The following ARHGAP26 variants were observed in gnomAD, a reference collection of about 807,000 sequenced individuals.
ARHGAP26 encodes the protein rho GTPase-activating protein 26.
A neutral mutation model predicts 104.8 loss-of-function variants in ARHGAP26; 38 were observed. The observed-to-expected ratio is 0.36, with a 90% CI of 0.28 to 0.48. The LOEUF (loss-of-function observed/expected upper bound fraction) is 0.48, where lower values mean the gene tolerates loss of function less well. Ranked by LOEUF, ARHGAP26 falls within the 20% of genes least tolerant of loss-of-function variation. ARHGAP26 has a pLI of 0.99. For synonymous variants in ARHGAP26, 341 were observed against 340.0 expected (o/e 1.00, Z -0.03); for missense variants, 704 against 947.9 (o/e 0.74, Z 3.38).
chr5:142,843,321 C>T (rs1356636719), intron 1 of ARHGAP26, among the ~76,000 whole-genome samples: 1 of 152,190 alleles, frequency 6.6e-6, no homozygotes, highest in Non-Finnish European at 1.5e-5. Flanking sequence ...AGGCCTGTGT[C>T]TTTCTGACAC....
intron 11 of ARHGAP26, among the ~76,000 whole-genome samples, chr5:142,949,914 TA>T (rs1175399275): frequency 6.6e-6 from 1 of 152,222 alleles, no homozygotes; most frequent in East Asian, 1.9e-4. Context: ...CTACTGCCAA[TA>T]AATGAAAACT....
chr5:142,996,071 TAGG>T (rs1325655848), intron 11 of ARHGAP26, among the ~76,000 whole-genome samples: 2 of 152,010 alleles, frequency 1.3e-5, no homozygotes, highest in Admixed American at 6.6e-5. Flanking sequence ...GGGATAGCAT[TAGG>T]AGAAATACCT....
chr5:142,980,924 T>C (rs902922829), intron 11 of ARHGAP26, among the ~76,000 whole-genome samples: 1 of 152,214 alleles, frequency 6.6e-6, no homozygotes, highest in African/African-American at 2.4e-5. Flanking sequence ...TTGTAACCAT[T>C]CTAGGGCATG....
At chr5:143,197,448 C>T (rs1807047639) in intron 20 of ARHGAP26, among the ~76,000 whole-genome samples, 1 of 152,130 alleles carries the variant, frequency 6.6e-6, no homozygotes, top group Non-Finnish European at 1.5e-5. Flanking sequence ...GCAGTAACAT[C>T]TCACTGTGGT....
intron 11 of ARHGAP26, among the ~76,000 whole-genome samples, chr5:142,983,820 T>C (rs1050445022): frequency 2.5e-4 from 38 of 152,222 alleles, no homozygotes; most frequent in Non-Finnish European, 2.4e-4. Context: ...CACACATCTA[T>C]TCATATATAA....
intron 13 of ARHGAP26, among the ~76,000 whole-genome samples, chr5:143,040,249 G>C (rs546892623): frequency 1.8e-4 from 28 of 152,328 alleles, no homozygotes; most frequent in South Asian, 8.3e-4. Flanking sequence ...CCTAGTCCGT[G>C]AATCATGCAG....
At chr5:143,128,197 C>T (rs984485438) in intron 18 of ARHGAP26, among the ~76,000 whole-genome samples, 19 of 152,104 alleles carry the variant, frequency 1.2e-4, no homozygotes, top group Non-Finnish European at 2.1e-4. Context: ...CACATATATT[C>T]CCCCCAATAA....
intron 4 of ARHGAP26, among the ~76,000 whole-genome samples, chr5:142,883,163 G>A (rs888956774): frequency 6.6e-6 from 1 of 152,162 alleles, no homozygotes; most frequent in African/African-American, 2.4e-5. Context: ...ATGGAATGTG[G>A]AGGCACAAGT....
rs903687185 is a variant in ARHGAP26 at position 142,900,859 on chromosome 5, A to G, written c.598-1076A>G. 3.7e-4 allele frequency among the ~76,000 whole-genome samples: 57 copies of G among 152,342 alleles called. 1 individual carries two copies. The highest frequency in any genetic ancestry group is 1.3e-3 in the African/African-American group (56 of 41,574). On this transcript the variant is annotated intron_variant, in intron 6 of 22. Coordinates refer to ENST00000645722, the MANE Select transcript of ARHGAP26 (RefSeq NM_001135608.3). ...GGTGGTATGGCAGGTCAGGGAGGTC[A>G]GAGTGGACCCCTCAGAAAATGTGGG...
rs11375975 is a variant in ARHGAP26, at chr5:142,978,747, C to CTT, written c.1108-35316_1108-35315dup. ...GCTTTATGTCAAGAAAGGAGTTTGC[C>CTT]TTTTTTTTTTTTTTTTTTGTAAAAA... On this transcript the variant is annotated intron_variant, in intron 11 of 22. Transcript: ENST00000645722. 3.6e-3 allele frequency among the ~76,000 whole-genome samples: 446 copies of CTT among 124,626 alleles called. 5 individuals are homozygous for CTT. Among genetic ancestry groups the CTT allele is most frequent in the African/African-American group, 0.012 (410 of 34,098 alleles). The allele number at this position is 124,626 out of a possible 152,430, so 81.8% of individuals were successfully genotyped here.
At chr5:143,080,002 C>T (rs1789571891) in intron 17 of ARHGAP26, among the ~76,000 whole-genome samples, 1 of 152,164 alleles carries the variant, frequency 6.6e-6, no homozygotes, top group Admixed American at 6.5e-5. Flanking sequence ...GGAGTATGAC[C>T]TACCTCTGGA....
intron 3 of ARHGAP26, among the ~76,000 whole-genome samples, chr5:142,876,764 A>G (rs2152375266): frequency 7.1e-6 from 1 of 140,244 alleles, no homozygotes; most frequent in African/African-American, 2.8e-5. Flanking sequence ...GCAACAGAGC[A>G]AGACCCTGTG....
intron 1 of ARHGAP26, among the ~76,000 whole-genome samples, chr5:142,785,882 T>G (rs1758507443): frequency 6.6e-6 from 1 of 152,074 alleles, no homozygotes; most frequent in Non-Finnish European, 1.5e-5. Context: ...CCTTCACCTT[T>G]CCCCACACAC....
chr5:142,949,203 GAGA>G (rs1190996292), intron 11 of ARHGAP26, among the ~76,000 whole-genome samples: 1 of 16,278 alleles, frequency 6.1e-5, no homozygotes, highest in African/African-American at 2.9e-4. Context: ...GAGAGAGAGA[GAGA>G]GAGAGAGAGA....
chr5:142,954,180 G>A (rs919904244), intron 11 of ARHGAP26, among the ~76,000 whole-genome samples: 6 of 152,178 alleles, frequency 3.9e-5, no homozygotes, highest in African/African-American at 1.4e-4. Context: ...ATCAAGATCT[G>A]TTTATCTCAT....
At chr5:143,201,111 T>C (rs1015584483) in intron 20 of ARHGAP26, among the ~76,000 whole-genome samples, 22 of 152,248 alleles carry the variant, frequency 1.4e-4, no homozygotes, top group African/African-American at 5.1e-4. Flanking sequence ...CTGACTCCTT[T>C]TGAGGACACT....
intron 7 of ARHGAP26, among the ~76,000 whole-genome samples, chr5:142,902,632 G>T (rs1477418463): frequency 2.0e-5 from 3 of 152,240 alleles, no homozygotes; most frequent in African/African-American, 7.2e-5. Context: ...TTCACTGTGG[G>T]ATTGGACCAT....
intron 3 of ARHGAP26, among the ~76,000 whole-genome samples, chr5:142,875,728 C>A (rs1755988544): frequency 6.6e-6 from 1 of 152,154 alleles, no homozygotes; most frequent in East Asian, 1.9e-4. Context: ...TAAGAGATAT[C>A]TTTTGTACTA....
At chr5:142,942,692 C>G (rs1205233819) in intron 11 of ARHGAP26, among the ~76,000 whole-genome samples, 1 of 152,202 alleles carries the variant, frequency 6.6e-6, no homozygotes, top group Admixed American at 6.5e-5. Context: ...CTATGAAGTG[C>G]TTAACTCAGC....
Sources: gnomAD v4.1 joint callset for allele counts (sites outside exome capture counted in the v4.1 genomes callset) on GRCh38, gnomAD v4.1.1 for gene constraint, MANE v1.5 for transcripts, NCBI Gene and HGNC (gene_info 2026-07-23, HGNC 2026-07-21) for gene names.